Variants in ACBD6 observed in about 807,000 individuals in gnomAD.
The protein encoded by ACBD6 is acyl-CoA binding domain containing 6.
In ACBD6, 28 loss-of-function variants were observed where a neutral mutation model predicts 37.2. The observed-to-expected ratio is 0.75, with a 90% CI of 0.56 to 1.03. The LOEUF is 1.03. ACBD6 is among the 50% of genes least tolerant of loss of function. The probability of loss-of-function intolerance (pLI) is 0.00; values close to 1 mark genes in which losing one functional copy is unlikely to be tolerated. For synonymous variants in ACBD6, 113 were observed against 126.8 expected, an observed-to-expected ratio of 0.89 and a Z score of 0.73; for missense variants, 340 against 337.4, an observed-to-expected ratio of 1.01 and a Z score of -0.06.
chr1:180,278,432 T>A (rs1303101020), intron 9 of ACBD6: 1 of 151,968 alleles, frequency 6.6e-6, no homozygotes, highest in Non-Finnish European at 1.5e-5. Context: ...AAGAGAGAGC[T>A]CAGCAAAGCC....
At chr1:180,422,238 C>T (rs1235181740) in intron 4 of ACBD6, among the ~76,000 whole-genome samples, 1 of 151,522 alleles carries the variant, frequency 6.6e-6, no homozygotes, top group East Asian at 1.9e-4. Context: ...TGGAGTCTCG[C>T]TCTTTCACCC....
intron 3 of ACBD6, among the ~76,000 whole-genome samples, chr1:180,457,619 T>C (rs1649974194): frequency 6.6e-6 from 1 of 152,018 alleles, no homozygotes. Flanking sequence ...ATTACAACCA[T>C]TTAAGGAGAG....
At chr1:180,288,808 G>T (rs551088727) in intron 7 of ACBD6, among the ~76,000 whole-genome samples, 1 of 151,942 alleles carries the variant, frequency 6.6e-6, no homozygotes, top group Non-Finnish European at 1.5e-5. Flanking sequence ...ATGGGATTAA[G>T]GAAAGGAATA....
At chr1:180,388,166 A>G (rs1571441099) in intron 6 of ACBD6, among the ~76,000 whole-genome samples, 1 of 130,974 alleles carries the variant, frequency 7.6e-6, no homozygotes, top group South Asian at 2.7e-4. Context: ...ACAGAGCGAG[A>G]CTCCGTCTCA....
Position 180,502,482 on chromosome 1 carries a change from G to A in ACBD6, c.-216C>T. On this transcript the variant is annotated 5_prime_UTR_variant, in exon 1 of 8. Coordinates refer to ENST00000367595, the MANE Select transcript of ACBD6 (RefSeq NM_032360.4). ...AGGCTCCTCGACCCTCTGCCGCTCT[G>A]CCCAGTCGACCCGGTCTCCTCCGGC... The A allele has an allele frequency of 1.7e-6, 1 of 598,310 alleles. No homozygotes were observed. Among genetic ancestry groups the A allele is most frequent in the Non-Finnish European group, 3.0e-6 (1 of 335,112 alleles). 37.1% of individuals were successfully genotyped at this position (598,310 alleles called of 1,614,324 possible).
At chr1:180,363,459 G>A (rs1652921614) in intron 6 of ACBD6, among the ~76,000 whole-genome samples, 1 of 152,202 alleles carries the variant, frequency 6.6e-6, no homozygotes, top group Non-Finnish European at 1.5e-5. Flanking sequence ...AGCTTTCAGT[G>A]AGGCAAGTTA....
At chr1:180,366,380 G>C (rs1171274131) in intron 6 of ACBD6, among the ~76,000 whole-genome samples, 1 of 152,068 alleles carries the variant, frequency 6.6e-6, no homozygotes, top group Non-Finnish European at 1.5e-5. Context: ...TTTTCCTGGG[G>C]ATAAAAACTA....
At chr1:180,277,863 CCTT>C (rs1195253918) in intron 9 of ACBD6, 1 of 93,140 alleles carries the variant, frequency 1.1e-5, no homozygotes, top group Non-Finnish European at 2.6e-5. Flanking sequence ...TTGGCAGTGT[CCTT>C]AAACTTTTTT....
rs185275083 is a variant in ACBD6, at chr1:180,344,205, A to G, written c.664-29483T>C. 8.7e-4 allele frequency among the ~76,000 whole-genome samples: 133 copies of G among 152,338 alleles called. 1 individual carries two copies. Among genetic ancestry groups the G allele is most frequent in the Non-Finnish European group, 1.5e-3 (105 of 68,024 alleles). On this transcript the variant is annotated intron_variant, in intron 6 of 7. Transcript: ENST00000367595. Reference sequence around the variant, plus strand: ...TAAGAGGCCAGCAGAGCCTAATGGTAATTAGAAGGAATGGGGTAGCAACAG... The same window carrying G: ...TAAGAGGCCAGCAGAGCCTAATGGTGATTAGAAGGAATGGGGTAGCAACAG...
At chr1:180,349,579 AT>A (rs10709101) in intron 6 of ACBD6, among the ~76,000 whole-genome samples, 86,199 of 128,280 alleles carry the variant, frequency 0.67, 26,184 homozygotes, top group South Asian at 0.74. Flanking sequence ...GTATAAAAAA[AT>A]AAATAAAATT....
At chr1:180,408,173 GT>G (rs1484446675) in intron 5 of ACBD6, among the ~76,000 whole-genome samples, 1 of 152,150 alleles carries the variant, frequency 6.6e-6, no homozygotes, top group East Asian at 1.9e-4. Flanking sequence ...AAATTTGGGG[GT>G]TGTGCCACAG....
At position 180,495,871 on chromosome 1, in the gene ACBD6, G is replaced by T. The variant is rs917042242; in HGVS notation, c.223-346C>A. Among the ~76,000 whole-genome samples, 4 of 152,140 alleles carry T rather than the reference G, an allele frequency of 2.6e-5. No homozygotes were observed. The South Asian group carries it at 6.2e-4, about 24-fold the overall frequency. On this transcript the variant is annotated intron_variant, in intron 1 of 7. Transcript: ENST00000367595. Reference sequence around the variant, plus strand: ...CTTTATTACCATGTATAAAGTAAAAGAATTTTTAATATGAAATTAATAAGG... The same window carrying T: ...CTTTATTACCATGTATAAAGTAAAATAATTTTTAATATGAAATTAATAAGG...
intron 6 of ACBD6, among the ~76,000 whole-genome samples, chr1:180,347,906 G>A (rs879261579): frequency 6.6e-6 from 1 of 151,964 alleles, no homozygotes; most frequent in Admixed American, 6.6e-5. Context: ...CGGAGCTTGC[G>A]GTGAGCCGAG....
In ACBD6 at chr1:180,303,497, A is replaced by C. The variant is rs183686650; in HGVS notation, c.694+11195T>G. The stretch of plus-strand genomic sequence containing the variant: ...AAACACCTCTACGCAAATAAACTAG[A>C]AAATCTAGAAGAAATGGATAAATTC... On this transcript the variant is annotated intron_variant, in intron 7 of 7. Coordinates refer to ENST00000367595, the MANE Select transcript of ACBD6 (RefSeq NM_032360.4). Among the ~76,000 whole-genome samples, 13 of 151,134 alleles carry C rather than the reference A, an allele frequency of 8.6e-5. 2 individuals are homozygous for C. The highest frequency in any genetic ancestry group is 1.3e-4 in the Admixed American group (2 of 15,160).
intron 3 of ACBD6, among the ~76,000 whole-genome samples, chr1:180,457,130 GA>G (rs1051294424): frequency 6.6e-6 from 1 of 152,046 alleles, no homozygotes. Context: ...ATCAAAAACT[GA>G]AACAAGCCCA....
downstream of ACBD6, chr1:180,287,033 T>C (rs1182345899): frequency 5.9e-5 from 9 of 152,178 alleles, no homozygotes. Context: ...CTACTTTCCT[T>C]ATATAATAGT....
intron 3 of ACBD6, among the ~76,000 whole-genome samples, chr1:180,481,718 AAAG>A (rs140306270): frequency 0.1 from 15,809 of 152,210 alleles, 1,148 homozygotes; most frequent in African/African-American, 0.2. Flanking sequence ...TGAAGAAACA[AAAG>A]AAGAACCAGA....
intron 7 of ACBD6, among the ~76,000 whole-genome samples, chr1:180,293,093 C>T (rs1047636740): frequency 2.6e-5 from 4 of 152,118 alleles, no homozygotes; most frequent in African/African-American, 9.7e-5. Context: ...AATTTATTAA[C>T]CTTTTTGTAT....
intron 6 of ACBD6, among the ~76,000 whole-genome samples, chr1:180,317,319 T>C (rs1211225460): frequency 6.6e-6 from 1 of 152,090 alleles, no homozygotes; most frequent in East Asian, 1.9e-4. Flanking sequence ...GAACATGAAA[T>C]AGAATAGTGG....
Sources: gnomAD v4.1 joint callset for allele counts (sites outside exome capture counted in the v4.1 genomes callset) on GRCh38, gnomAD v4.1.1 for gene constraint, MANE v1.5 for transcripts, NCBI Gene and HGNC (gene_info 2026-07-23, HGNC 2026-07-21) for gene names.